Variants in BCAS2 observed in about 807,000 individuals in gnomAD.
BCAS2 encodes the protein pre-mRNA-splicing factor SPF27.
BCAS2 carries 34 observed loss-of-function variants against 35.3 expected under a neutral mutation model. The ratio of observed to expected loss-of-function variants is 0.96; its 90% confidence interval spans 0.73 to 1.28. BCAS2 has a LOEUF of 1.28. Among genes scored for constraint, BCAS2 ranks in the 50% most tolerant of loss-of-function variants. The pLI is 0.00. For synonymous variants in BCAS2, 75 were observed against 91.6 expected (o/e 0.82, Z 1.03); for missense variants, 221 against 268.1 (o/e 0.82, Z 1.23).
chr1:114,570,673 A>G, intron 5 of BCAS2, 27 bp downstream of exon 5: 2 of 1,506,664 alleles, frequency 1.3e-6, no homozygotes, highest in Non-Finnish European at 1.8e-6. Flanking sequence ...CTTAAACTTC[A>G]TTCTGTAATA....
rs759117532 is a variant in BCAS2, at chr1:114,575,621, G to C, written c.388C>G (p.His130Asp). 5.6e-6 allele frequency: 9 copies of C among 1,611,270 alleles called. No homozygotes were observed. Among genetic ancestry groups the C allele is most frequent in the Non-Finnish European group, 7.6e-6 (9 of 1,179,606 alleles). ...RIENLELMSQ[H>D]GCNAWKVYNE... ...TATACTTTCCAGGCATTACATCCAT[G>C]CTGTGACATTAGTTCCAGATTCTCA... The change falls in exon 4 of 7, where the codon CAT (histidine) becomes GAT (aspartate). Residue 130 changes from histidine to aspartate, a missense_variant. Coordinates refer to ENST00000369541, the MANE Select transcript of BCAS2 (RefSeq NM_005872.3).
chr1:114,569,782 A>T (rs1654602455), intron 6 of BCAS2, among the ~76,000 whole-genome samples: 1 of 152,138 alleles, frequency 6.6e-6, no homozygotes, highest in African/African-American at 2.4e-5. Flanking sequence ...GGTTCAATTT[A>T]GCAAAGGATC....
Position 114,568,094 on chromosome 1 carries a change from A to G in BCAS2, c.*36T>C. Reference sequence around the variant, plus strand: ...TTAAAAGTTCAGATGCCTTTTGTGAAAGCCCAACTTTTCTTCTACCTGCTA... The same window carrying G: ...TTAAAAGTTCAGATGCCTTTTGTGAGAGCCCAACTTTTCTTCTACCTGCTA... On this transcript the variant is annotated 3_prime_UTR_variant, in exon 7 of 7. Transcript: ENST00000369541. The G allele has an allele frequency of 6.2e-7, 1 of 1,610,884 alleles. No individual in the cohort carries two copies. Among genetic ancestry groups the G allele is most frequent in the South Asian group, 1.1e-5 (1 of 90,916 alleles).
chr1:114,569,938 C>T (rs566820814), intron 6 of BCAS2, 54 bp downstream of exon 6: 9 of 1,358,802 alleles, frequency 6.6e-6, no homozygotes, highest in South Asian at 4.9e-5. Flanking sequence ...ATTATTGAAT[C>T]GACCTTAGAA....
chr1:114,568,315 T>C (rs2101625014), intron 6 of BCAS2, 59 bp from the exon 7 acceptor site: 5 of 1,561,520 alleles, frequency 3.2e-6, no homozygotes, highest in Non-Finnish European at 4.3e-6. Context: ...TCTTAGAAGA[T>C]TTTATTTTAA....
Position 114,567,727 on chromosome 1 carries a change from G to T in BCAS2, c.*403C>A, listed in dbSNP as rs369718970. The T allele has an allele frequency of 6.8e-5, 11 of 161,210 alleles. No individual in the cohort carries two copies. The East Asian group carries it at 1.4e-3, about 20-fold the overall frequency. The allele number at this position is 161,210 out of a possible 1,614,324, so 10.0% of individuals were successfully genotyped here. A position where few individuals can be genotyped will look rare whatever the true frequency, so the allele number is the denominator to read the frequency against. ...CACTGTCTTTCTGAAGTTGTTTGGTGATCAAGAATGTGTTTAGAACTATCT... is the reference window on the plus strand; with the variant it reads ...CACTGTCTTTCTGAAGTTGTTTGGTTATCAAGAATGTGTTTAGAACTATCT... On this transcript the variant is annotated 3_prime_UTR_variant, in exon 7 of 7. Transcript: ENST00000369541.
chr1:114,575,657 C>T lies in BCAS2; in HGVS notation c.352G>A (p.Ala118Thr), dbSNP rs762275341. 5 of 1,612,818 alleles carry T rather than the reference C, an allele frequency of 3.1e-6. No individual in the cohort carries two copies. The East Asian group carries it at 8.9e-5, about 29-fold the overall frequency. ...AGTTCCAGATTCTCAATTCTAACTGCTTGATGCTCTAACTGGGCCATAGAA... is the reference window on the plus strand; with the variant it reads ...AGTTCCAGATTCTCAATTCTAACTGTTTGATGCTCTAACTGGGCCATAGAA... ...NNSMAQLEHQAVRIENLELMS... is the reference protein window; with the variant it reads ...NNSMAQLEHQTVRIENLELMS... The change falls in exon 4 of 7, where the codon GCA becomes ACA. Residue 118 changes from alanine to threonine, a missense_variant. Coordinates refer to ENST00000369541, the MANE Select transcript of BCAS2 (RefSeq NM_005872.3).
At chr1:114,570,609 G>T in intron 5 of BCAS2, 91 bp downstream of exon 5, 1 of 877,888 alleles carries the variant, frequency 1.1e-6, no homozygotes, top group Non-Finnish European at 1.8e-6. Flanking sequence ...CTTTCATCTG[G>T]CTGCAGTCTC....
intron 3 of BCAS2, 49 bp downstream of exon 3, chr1:114,576,639 T>A (rs1654774462): frequency 7.0e-7 from 1 of 1,433,920 alleles, no homozygotes; most frequent in Admixed American, 1.8e-5. Context: ...CTCAGCTCAT[T>A]ACTGAGTTAC....
intron 4 of BCAS2, among the ~76,000 whole-genome samples, chr1:114,573,633 T>C (rs1240050335): frequency 3.3e-5 from 5 of 152,242 alleles, no homozygotes; most frequent in African/African-American, 7.2e-5. Context: ...ATAAAACTTA[T>C]TATCTCTTCC....
Position 114,570,099 on chromosome 1 carries a change from A to G in BCAS2, c.471-27T>C, listed in dbSNP as rs781541529. ...TGTAAAAAATTATTTATACAACCCA[A>G]TTACATTTTAATGTAAGACCTAAAT... On this transcript the variant is annotated intron_variant, in intron 5 of 6. Transcript: ENST00000369541. 2.0e-6 allele frequency: 3 copies of G among 1,509,484 alleles called. No individual in the cohort carries two copies. The Admixed American group carries it at 5.2e-5, about 26-fold the overall frequency. 93.5% of individuals were successfully genotyped at this position (1,509,484 alleles called of 1,614,324 possible).
chr1:114,574,628 A>C (rs1654716862), intron 4 of BCAS2, among the ~76,000 whole-genome samples: 1 of 152,236 alleles, frequency 6.6e-6, no homozygotes, highest in Non-Finnish European at 1.5e-5. Flanking sequence ...TCAACTGTTT[A>C]AGCAACGCTT....
intron 4 of BCAS2, among the ~76,000 whole-genome samples, chr1:114,574,888 G>A (rs1654722624): frequency 1.3e-5 from 2 of 152,084 alleles, no homozygotes; most frequent in South Asian, 4.2e-4. Context: ...TTTGTTTTTT[G>A]AGATGGAGTC....
chr1:114,575,291 A>C, intron 4 of BCAS2, among the ~76,000 whole-genome samples: 1 of 150,050 alleles, frequency 6.7e-6, no homozygotes. Flanking sequence ...AGGCTGAAGC[A>C]ATTGTCATGC....
rs746906940 is a variant in BCAS2 at position 114,576,678 on chromosome 1, A to T, written c.257+10T>A. On this transcript the variant is annotated intron_variant, in intron 3 of 6. Transcript: ENST00000369541. Reference sequence around the variant, plus strand: ...AAACTAAATTTTAATTTCCATTTTAATATTCTTACCGTTTCATACTGAGCA... The same window carrying T: ...AAACTAAATTTTAATTTCCATTTTATTATTCTTACCGTTTCATACTGAGCA... The T allele has an allele frequency of 2.5e-6, 4 of 1,596,618 alleles. No homozygotes were observed. Among genetic ancestry groups the T allele is most frequent in the Admixed American group, 3.4e-5 (2 of 59,214 alleles).
At chr1:114,578,552 G>A (rs868086660) in intron 2 of BCAS2, among the ~76,000 whole-genome samples, 100 of 152,264 alleles carry the variant, frequency 6.6e-4, no homozygotes, top group Middle Eastern at 6.8e-3. Context: ...TTCATGGAGC[G>A]GCAAGGGCAA....
chr1:114,580,858 T>C lies in BCAS2; in HGVS notation c.186+441A>G, dbSNP rs374197110. On this transcript the variant is annotated intron_variant, in intron 2 of 6. Coordinates refer to ENST00000369541, the MANE Select transcript of BCAS2 (RefSeq NM_005872.3). ...AGGCTGAGAAAAAAGTAGTATACAC[T>C]TGGATATGGTTTGTCCTTTCAGTCG... Among the ~76,000 whole-genome samples, 138 of 152,214 alleles carry C rather than the reference T, an allele frequency of 9.1e-4. 1 individual carries two copies. Among genetic ancestry groups the C allele is most frequent in the African/African-American group, 3.1e-3 (127 of 41,478 alleles).
chr1:114,581,354 C>T lies in BCAS2; in HGVS notation c.131G>A (p.Arg44Gln), dbSNP rs1654885760. ...GTAGCTCAGGTAGTTCTTAGTAGGT[C>T]GGTATCTGCGAGTTTCCTCCTCCAC... ...ALVEEETRRY[R>Q]PTKNYLSYLT... Residue 44 changes from arginine to glutamine, a missense_variant, in exon 2 of 7, where the codon CGA becomes CAA. Transcript: ENST00000369541. 9 of 1,614,120 alleles carry T rather than the reference C, an allele frequency of 5.6e-6. No homozygotes were observed. The highest frequency in any genetic ancestry group is 7.6e-6 in the Non-Finnish European group (9 of 1,180,014).
rs1396944548 is a variant in BCAS2 at position 114,581,325 on chromosome 1, T to C, written c.160A>G (p.Thr54Ala). 6.2e-7 allele frequency: 1 copy of C among 1,614,072 alleles called. No individual in the cohort carries two copies. Reference protein sequence around the residue: ...RPTKNYLSYLTAPDYSAFETD... With the variant: ...RPTKNYLSYLAAPDYSAFETD... ...TCAAAGGCAGAATAATCCGGGGCTG[T>C]CAGGTAGCTCAGGTAGTTCTTAGTA... The change falls in exon 2 of 7, where the codon ACA becomes GCA. Residue 54 changes from threonine to alanine, a missense_variant. By Grantham distance (58) the Thr-to-Ala change is moderately conservative. Coordinates refer to ENST00000369541, the MANE Select transcript of BCAS2 (RefSeq NM_005872.3).
Sources: gnomAD v4.1 joint callset for allele counts (sites outside exome capture counted in the v4.1 genomes callset) on GRCh38, gnomAD v4.1.1 for gene constraint, MANE v1.5 for transcripts, NCBI Gene and HGNC (gene_info 2026-07-23, HGNC 2026-07-21) for gene names.